The following FBXO42 variants were observed in gnomAD, a reference collection of about 807,000 sequenced individuals.
FBXO42 encodes the protein F-box protein 42.
FBXO42 carries 12 observed loss-of-function variants against 71.7 expected under a neutral mutation model. That is an observed-to-expected ratio of 0.17 (90% CI 0.11 to 0.27). The LOEUF (loss-of-function observed/expected upper bound fraction) is 0.27. Among genes scored for constraint, FBXO42 ranks in the 10% least tolerant of loss-of-function variants. FBXO42 has a pLI of 1.00. For synonymous variants in FBXO42, 325 were observed against 327.5 expected, an observed-to-expected ratio of 0.99 and a Z score of 0.08; for missense variants, 707 against 911.9, an observed-to-expected ratio of 0.78 and a Z score of 2.89.
At chr1:16,310,168 T>C (rs1047707687) in intron 2 of FBXO42, among the ~76,000 whole-genome samples, 25 of 138,762 alleles carry the variant, frequency 1.8e-4, no homozygotes, top group Non-Finnish European at 2.9e-4. Context: ...CACTCCAGCC[T>C]GGGCAACAGA....
chr1:16,344,075 G>A (rs927695178), intron 1 of FBXO42, among the ~76,000 whole-genome samples: 4 of 150,854 alleles, frequency 2.7e-5, no homozygotes, highest in Non-Finnish European at 4.4e-5. Context: ...TTGGCTCACC[G>A]CAACCTCCAC....
At chr1:16,291,437 G>A (rs1312418474) in intron 4 of FBXO42, among the ~76,000 whole-genome samples, 1 of 151,850 alleles carries the variant, frequency 6.6e-6, no homozygotes, top group Non-Finnish European at 1.5e-5. Context: ...CTGGGGTGCT[G>A]TGGCGCAATC....
rs1408999271 is a variant in FBXO42, at chr1:16,294,513, A to G, written c.502+270T>C. The G allele has an allele frequency of 1.0e-5, 4 of 386,186 alleles. No individual in the cohort carries two copies. In the Admixed American group the frequency reaches 1.7e-4, roughly 16 times the overall value. The allele number at this position is 386,186 out of a possible 1,614,324, so 23.9% of individuals were successfully genotyped here. A position where few individuals can be genotyped will look rare whatever the true frequency, so the allele number is the denominator to read the frequency against. On this transcript the variant is annotated intron_variant, in intron 4 of 9. Transcript: ENST00000375592. ...CTACCAAATGATGTATCACACCTGT[A>G]TGAGTATACTTGAGAAAACCATGCA...
intron 4 of FBXO42, among the ~76,000 whole-genome samples, chr1:16,289,405 CT>C (rs909222077): frequency 4.6e-5 from 6 of 130,944 alleles, no homozygotes; most frequent in Admixed American, 1.6e-4. Context: ...AAGATTGTCT[CT>C]TTAAAAAAAA....
chr1:16,282,188 TTAGC>T (rs1343064019), intron 4 of FBXO42, among the ~76,000 whole-genome samples: 1 of 152,022 alleles, frequency 6.6e-6, no homozygotes. Flanking sequence ...ATTTCAAAAT[TTAGC>T]TATGTTTAGA....
chr1:16,268,965 C>T (rs1158992990), intron 4 of FBXO42, among the ~76,000 whole-genome samples: 1 of 151,250 alleles, frequency 6.6e-6, no homozygotes, highest in Non-Finnish European at 1.5e-5. Flanking sequence ...CGCATCACCA[C>T]ACCCAGTTAA....
chr1:16,295,596 T>C (rs554433429), intron 3 of FBXO42, among the ~76,000 whole-genome samples: 1 of 152,282 alleles, frequency 6.6e-6, no homozygotes, highest in Non-Finnish European at 1.5e-5. Flanking sequence ...TTTCACCATG[T>C]TGGCCAGGCT....
intron 4 of FBXO42, among the ~76,000 whole-genome samples, chr1:16,274,996 C>T (rs999025168): frequency 1.4e-4 from 22 of 152,078 alleles, no homozygotes; most frequent in Non-Finnish European, 2.4e-4. Context: ...CACATGGTAC[C>T]ACCAACTACT....
chr1:16,278,793 C>T (rs1004825049), intron 4 of FBXO42, among the ~76,000 whole-genome samples: 3 of 151,266 alleles, frequency 2.0e-5, no homozygotes, highest in African/African-American at 7.3e-5. Flanking sequence ...TTTTTTGAGA[C>T]GGAGTTTCGC....
At chr1:16,261,151 C>T (rs1427839836) in intron 4 of FBXO42, among the ~76,000 whole-genome samples, 42 of 151,890 alleles carry the variant, frequency 2.8e-4, no homozygotes, top group Admixed American at 2.7e-3. Flanking sequence ...AATCTTAATC[C>T]GGTAAAGCCA....
chr1:16,271,181 A>G (rs2081839571), intron 4 of FBXO42, among the ~76,000 whole-genome samples: 1 of 151,840 alleles, frequency 6.6e-6, no homozygotes, highest in African/African-American at 2.4e-5. Flanking sequence ...GGTCAGAGAG[A>G]TGAGGGGACA....
intron 2 of FBXO42, among the ~76,000 whole-genome samples, chr1:16,310,099 G>A (rs2082297105): frequency 6.6e-6 from 1 of 151,376 alleles, no homozygotes; most frequent in African/African-American, 2.4e-5. Context: ...GGAGGCTGAG[G>A]CAGGAGAATG....
At chr1:16,311,230 A>G (rs894821105) in intron 2 of FBXO42, among the ~76,000 whole-genome samples, 7 of 150,006 alleles carry the variant, frequency 4.7e-5, no homozygotes, top group African/African-American at 4.9e-5. Context: ...TAATCCCAGG[A>G]CTTTAGCAGG....
At chr1:16,264,277 T>C (rs2081748641) in intron 4 of FBXO42, among the ~76,000 whole-genome samples, 1 of 152,162 alleles carries the variant, frequency 6.6e-6, no homozygotes, top group Non-Finnish European at 1.5e-5. Context: ...AGCACCTGAG[T>C]AACTGGAAAT....
At chr1:16,258,263 G>C (rs779765793) in intron 4 of FBXO42, among the ~76,000 whole-genome samples, 3 of 152,198 alleles carry the variant, frequency 2.0e-5, no homozygotes, top group Admixed American at 1.3e-4. Context: ...ATCTCACTTA[G>C]GGGAACAATA....
chr1:16,337,923 T>C (rs1002358209), intron 1 of FBXO42, among the ~76,000 whole-genome samples: 8 of 68,556 alleles, frequency 1.2e-4, no homozygotes, highest in Admixed American at 6.9e-4. Context: ...AAAAGAATAA[T>C]AGGCCAAACA....
In FBXO42 at chr1:16,249,509, C is replaced by T. The variant is rs1218083806; in HGVS notation, c.*1161G>A. The T allele has an allele frequency of 6.6e-6, 1 of 152,194 alleles. No homozygotes were observed. The highest frequency in any genetic ancestry group is 1.5e-5 in the Non-Finnish European group (1 of 68,030). The allele number at this position is 152,194 out of a possible 1,614,324, so 9.4% of individuals were successfully genotyped here. On this transcript the variant is annotated 3_prime_UTR_variant, in exon 10 of 10. Transcript: ENST00000375592. ...AAAGAACTGTTATTGGAATTCCCTT[C>T]CAGAATCAATTTCCACATTCTACAA...
In FBXO42 at chr1:16,251,451, C is replaced by A. The variant is rs1403564631; in HGVS notation, c.1373G>T (p.Ser458Ile). The A allele has an allele frequency of 6.2e-7, 1 of 1,614,008 alleles. No individual in the cohort carries two copies. Among genetic ancestry groups the A allele is most frequent in the Non-Finnish European group, 8.5e-7 (1 of 1,180,026 alleles). The change falls in exon 10 of 10, where the codon AGT becomes ATT. Residue 458 changes from serine to isoleucine, a missense_variant. This residue lies in a region of FBXO42 where 482 missense variants were observed against 587.1 expected (regional missense o/e 0.82). Transcript: ENST00000375592. The surrounding 1 kb of genome is among the most constrained non-coding windows in gnomAD (Gnocchi z 4.5). Reference sequence around the variant, plus strand: ...ACTTGGAGATATGGCCTGTACAGGACTGTCCAAAGAAGAGCCACCCACAGC... The same window carrying A: ...ACTTGGAGATATGGCCTGTACAGGAATGTCCAAAGAAGAGCCACCCACAGC... ...TAAVGGSSLDSPVQAISPSTP... is the reference protein window; with the variant it reads ...TAAVGGSSLDIPVQAISPSTP...
chr1:16,298,536 G>C (rs996687201), intron 3 of FBXO42, among the ~76,000 whole-genome samples: 1 of 152,234 alleles, frequency 6.6e-6, no homozygotes, highest in East Asian at 1.9e-4. Flanking sequence ...CTGAGATGGA[G>C]TCTCACTCTG....
Sources: gnomAD v4.1 joint callset for allele counts (sites outside exome capture counted in the v4.1 genomes callset) on GRCh38, gnomAD v4.1.1 for gene constraint, gnomAD v4.1.1 regional missense constraint, Gnocchi (gnomAD v3.1) non-coding constraint, MANE v1.5 for transcripts, NCBI Gene and HGNC (gene_info 2026-07-23, HGNC 2026-07-21) for gene names.